GSDME: variants seen among roughly 807,000 people sequenced by gnomAD.
GSDME encodes the protein gasdermin-E.
Under a neutral mutation model 47.5 loss-of-function variants are expected in GSDME, and 44 were observed. The ratio of observed to expected loss-of-function variants is 0.93; its 90% CI spans 0.73 to 1.19. The LOEUF is 1.19. Ranked by LOEUF, GSDME falls within the 50% of genes most tolerant of loss-of-function variation. The probability of loss-of-function intolerance (pLI) is 0.00; values close to 1 mark genes in which losing one functional copy is unlikely to be tolerated. For missense variants in GSDME, 663 were observed against 604.2 expected, an observed-to-expected ratio of 1.10 and a Z score of -1.02; for synonymous variants, 258 against 252.8, an observed-to-expected ratio of 1.02 and a Z score of -0.20.
chr7:24,707,507 A>C (rs1475143373), intron 7 of GSDME: 1 of 453,548 alleles, frequency 2.2e-6, no homozygotes, highest in African/African-American at 2.0e-5. Flanking sequence ...CCACCACACG[A>C]CCCCCTTGCA....
rs907744535 is a variant in GSDME, at chr7:24,716,884, A to T, written c.697+370T>A. 6.8e-5 allele frequency: 22 copies of T among 322,356 alleles called. 1 individual carries two copies. The highest frequency in any genetic ancestry group is 3.7e-4 in the South Asian group (12 of 32,562). 20.0% of individuals were successfully genotyped at this position (322,356 alleles called of 1,614,324 possible). A position where few individuals can be genotyped will look rare whatever the true frequency, so the allele number is the denominator to read the frequency against. ...GACAGGGAAGCCAAGACTCAGCAAG[A>T]TTCAGCAACTTGCCTGAGACCTCAT... On this transcript the variant is annotated intron_variant, in intron 5 of 9. Transcript: ENST00000645220. The surrounding 1 kb of genome is among the most constrained non-coding windows in gnomAD (Gnocchi z 4.5).
At chr7:24,702,626 C>T (rs1562684266) in intron 9 of GSDME, 134 bp downstream of exon 9, 3 of 749,418 alleles carry the variant, frequency 4.0e-6, no homozygotes, top group South Asian at 2.7e-5. Context: ...GGGTTAATAA[C>T]AATACTTACT....
At chr7:24,766,417 T>G in the GSDME span, among the ~76,000 whole-genome samples, 1 of 152,126 alleles carries the variant, frequency 6.6e-6, no homozygotes, top group East Asian at 1.9e-4. The surrounding 1 kb of genome is among the most constrained non-coding windows in gnomAD (Gnocchi z 4.2). Flanking sequence ...ACCCATCATC[T>G]ACATTAGGCA....
the GSDME span, among the ~76,000 whole-genome samples, chr7:24,790,185 A>G: frequency 1.3e-5 from 2 of 152,238 alleles, no homozygotes; most frequent in South Asian, 2.1e-4. The surrounding 1 kb of genome is among the most constrained non-coding windows in gnomAD (Gnocchi z 4.1). Flanking sequence ...ATTTTGATAG[A>G]TAGCATTTCT....
intron 5 of GSDME, among the ~76,000 whole-genome samples, chr7:24,713,977 G>A (rs1789451337): frequency 6.6e-6 from 1 of 152,218 alleles, no homozygotes. Context: ...AGGTGGGGAA[G>A]CAGGGAGATG....
chr7:24,758,689 C>T (rs77481611), upstream of GSDME, among the ~76,000 whole-genome samples: 1,117 of 152,304 alleles, frequency 7.3e-3, 8 homozygotes, highest in African/African-American at 0.025. The surrounding 1 kb of genome is among the most constrained non-coding windows in gnomAD (Gnocchi z 4.6). Context: ...AATTATCCAC[C>T]TCACTGTAAA....
chr7:24,793,047 G>T, the GSDME span, among the ~76,000 whole-genome samples: 1 of 152,076 alleles, frequency 6.6e-6, no homozygotes, highest in Non-Finnish European at 1.5e-5. Flanking sequence ...ATTTTTATTA[G>T]TTTTTAGACC....
the GSDME span, among the ~76,000 whole-genome samples, chr7:24,766,214 T>TGTGTGTGC: frequency 4.0e-5 from 6 of 151,294 alleles, no homozygotes; most frequent in African/African-American, 1.5e-4. This position sits in a 1 kb window ranked among gnomAD's most constrained non-coding sequence, Gnocchi z 4.2. Flanking sequence ...TGTGTGTGTG[T>TGTGTGTGC]GCATGTTTGC....
chr7:24,750,664 A>G (rs1790829072), intron 1 of GSDME, among the ~76,000 whole-genome samples: 1 of 152,214 alleles, frequency 6.6e-6, no homozygotes, highest in Non-Finnish European at 1.5e-5. Context: ...ACTGACTATC[A>G]TAATAGATAG....
the GSDME span, among the ~76,000 whole-genome samples, chr7:24,775,595 G>A: frequency 3.2e-4 from 49 of 152,042 alleles, 1 homozygote; most frequent in African/African-American, 1.1e-3. Flanking sequence ...GGGCCAGCGC[G>A]GTGGCTCACG....
chr7:24,745,912 G>A lies in GSDME; in HGVS notation c.212-1158C>T, dbSNP rs1441015590. On this transcript the variant is annotated intron_variant, in intron 2 of 9. Coordinates refer to ENST00000645220, the MANE Select transcript of GSDME (RefSeq NM_001127453.2). The surrounding 1 kb of genome is among the most constrained non-coding windows in gnomAD (Gnocchi z 4.4). ...AGTCTCTATCATCACCATTTGGTAAGGAGACATTAAGAGTCCACTAGGAAC... is the reference window on the plus strand; with the variant it reads ...AGTCTCTATCATCACCATTTGGTAAAGAGACATTAAGAGTCCACTAGGAAC... Among the ~76,000 whole-genome samples the A allele has an allele frequency of 3.3e-5, 5 of 152,150 alleles. No homozygotes were observed. Among genetic ancestry groups the A allele is most frequent in the Non-Finnish European group, 5.9e-5 (4 of 68,028 alleles).
intron 3 of GSDME, among the ~76,000 whole-genome samples, chr7:24,727,957 C>CA (rs894347760): frequency 5.3e-5 from 8 of 152,228 alleles, no homozygotes; most frequent in Non-Finnish European, 1.0e-4. Flanking sequence ...AAAACCCTCC[C>CA]ACACTACGAG....
the GSDME span, among the ~76,000 whole-genome samples, chr7:24,768,447 G>A: frequency 6.6e-6 from 1 of 151,970 alleles, no homozygotes; most frequent in Non-Finnish European, 1.5e-5. The surrounding 1 kb of genome is among the most constrained non-coding windows in gnomAD (Gnocchi z 5.6). Context: ...ATGTCAACGG[G>A]GAGGAGTCAT....
the GSDME span, among the ~76,000 whole-genome samples, chr7:24,790,747 G>A: frequency 0.087 from 13,176 of 152,188 alleles, 753 homozygotes; most frequent in South Asian, 0.12. This position sits in a 1 kb window ranked among gnomAD's most constrained non-coding sequence, Gnocchi z 4.1. Flanking sequence ...CACACATCAG[G>A]CTGGGCACTT....
rs1341591088 is a variant in GSDME at position 24,724,198 on chromosome 7, A to T, written c.405-4980T>A. On this transcript the variant is annotated intron_variant, in intron 3 of 9. Coordinates refer to ENST00000645220, the MANE Select transcript of GSDME (RefSeq NM_001127453.2). This position sits in a 1 kb window ranked among gnomAD's most constrained non-coding sequence, Gnocchi z 4.8. ...CCAAAAAAAAAAAAAAGTATTTTAA[A>T]AAAAGGCCTTCTGGACAGACTGTAA... Among the ~76,000 whole-genome samples the T allele has an allele frequency of 1.3e-5, 2 of 152,142 alleles. No individual in the cohort carries two copies. The highest frequency in any genetic ancestry group is 3.8e-4 in the East Asian group (2 of 5,202).
At chr7:24,702,942 G>A in intron 8 of GSDME, 109 bp from the exon 9 acceptor site, 2 of 854,720 alleles carry the variant, frequency 2.3e-6, no homozygotes, top group South Asian at 1.4e-5. Flanking sequence ...CCGCCAGCCA[G>A]GCAGGGGAGG....
intron 9 of GSDME, 62 bp downstream of exon 9, chr7:24,702,698 C>G: frequency 7.1e-7 from 1 of 1,404,058 alleles, no homozygotes; most frequent in Admixed American, 1.7e-5. Context: ...TGCTGGATGT[C>G]TACCCCCTCA....
chr7:24,769,008 C>T, the GSDME span, among the ~76,000 whole-genome samples: 1 of 152,198 alleles, frequency 6.6e-6, no homozygotes, highest in Non-Finnish European at 1.5e-5. Flanking sequence ...AGAGCTCATG[C>T]TCTAATGGGC....
the GSDME span, among the ~76,000 whole-genome samples, chr7:24,780,168 AGGTCCCATGCAAAGTTCC>A: frequency 1.6e-4 from 25 of 152,266 alleles, no homozygotes; most frequent in African/African-American, 6.0e-4. The surrounding 1 kb of genome is among the most constrained non-coding windows in gnomAD (Gnocchi z 4.1). Flanking sequence ...CCCTTCTGGC[AGGTCCCATGCAAAGTTCC>A]CGCCTTGTGA....
Sources: allele counts gnomAD v4.1 joint callset (sites outside exome capture counted in the v4.1 genomes callset), GRCh38; gene constraint gnomAD v4.1.1; non-coding constraint Gnocchi (gnomAD v3.1); transcripts MANE v1.5; gene names NCBI Gene and HGNC (gene_info 2026-07-23, HGNC 2026-07-21).